The following PCDH15 variants were observed in gnomAD, a reference collection of about 807,000 sequenced individuals.
PCDH15 encodes the protein protocadherin-15.
In PCDH15, 129 loss-of-function variants were observed where a neutral mutation model predicts 178.5. That is an observed-to-expected ratio of 0.72 (90% confidence interval 0.63 to 0.84). The LOEUF is 0.84. Ranked by LOEUF, PCDH15 falls within the 40% of genes least tolerant of loss-of-function variation. The pLI, the probability that PCDH15 is intolerant of heterozygous loss-of-function variation, is 0.00. For missense variants in PCDH15, 2,230 were observed against 2,099.9 expected (o/e 1.06, Z -1.21); for synonymous variants, 800 against 732.0 (o/e 1.09, Z -1.50).
chr10:55,597,599 A>AT (rs1380559612), intron 2 of PCDH15, among the ~76,000 whole-genome samples: 1 of 152,190 alleles, frequency 6.6e-6, no homozygotes, highest in Non-Finnish European at 1.5e-5. Flanking sequence ...TACTTCAAGC[A>AT]TCCCTCTCTG....
intron 9 of PCDH15, among the ~76,000 whole-genome samples, chr10:54,220,178 A>C (rs2134180707): frequency 6.6e-6 from 1 of 152,370 alleles, no homozygotes; most frequent in South Asian, 2.1e-4. Context: ...GAGCTGGGAA[A>C]GATTTTCATT....
chr10:54,367,094 G>T (rs1349664366), intron 5 of PCDH15, among the ~76,000 whole-genome samples: 1 of 152,034 alleles, frequency 6.6e-6, no homozygotes, highest in Admixed American at 6.6e-5. Context: ...TTTGAGACTT[G>T]CATGGTAGGG....
chr10:55,360,380 G>T (rs1358341116), intron 2 of PCDH15, among the ~76,000 whole-genome samples: 1 of 151,850 alleles, frequency 6.6e-6, no homozygotes, highest in Non-Finnish European at 1.5e-5. Flanking sequence ...CACACAACAT[G>T]CCAACAAGGA....
chr10:53,908,090 A>C (rs2082805226), intron 25 of PCDH15, among the ~76,000 whole-genome samples: 2 of 152,148 alleles, frequency 1.3e-5, no homozygotes, highest in African/African-American at 4.8e-5. Flanking sequence ...CAATGAGTTA[A>C]AAGTGTTCTC....
intron 2 of PCDH15, among the ~76,000 whole-genome samples, chr10:54,913,607 C>CT (rs1188284732): frequency 6.6e-6 from 1 of 152,104 alleles, no homozygotes; most frequent in Non-Finnish European, 1.5e-5. Flanking sequence ...GGCCATAGTC[C>CT]TAAAGATTCC....
chr10:53,830,018 T>C (rs1207085313), intron 30 of PCDH15, among the ~76,000 whole-genome samples: 2 of 152,120 alleles, frequency 1.3e-5, no homozygotes, highest in Non-Finnish European at 2.9e-5. Flanking sequence ...ACATAAGGAC[T>C]ATTGGCTGGG....
chr10:54,729,110 A>C (rs767615342), intron 1 of PCDH15, among the ~76,000 whole-genome samples: 67 of 151,716 alleles, frequency 4.4e-4, no homozygotes, highest in Admixed American at 2.0e-4. Context: ...CTGAATAGCC[A>C]AAGCAATCCT....
intron 1 of PCDH15, among the ~76,000 whole-genome samples, chr10:54,726,155 T>C (rs1312906755): frequency 6.6e-6 from 1 of 151,110 alleles, no homozygotes; most frequent in African/African-American, 2.4e-5. Context: ...ACATGCCTTT[T>C]ATAACCCTTT....
chr10:54,104,456 C>T (rs754103954), intron 15 of PCDH15, among the ~76,000 whole-genome samples: 1 of 152,172 alleles, frequency 6.6e-6, no homozygotes, highest in Non-Finnish European at 1.5e-5. Context: ...ACAATTTTAG[C>T]TCTTTCTCTA....
chr10:54,120,014 G>C (rs1375077988), intron 15 of PCDH15, among the ~76,000 whole-genome samples: 1 of 152,030 alleles, frequency 6.6e-6, no homozygotes, highest in African/African-American at 2.4e-5. Context: ...AAGGCAGATA[G>C]AGAAAAAGGA....
chr10:54,154,360 G>GT (rs1355514751), intron 13 of PCDH15, among the ~76,000 whole-genome samples: 2 of 152,048 alleles, frequency 1.3e-5, no homozygotes, highest in East Asian at 3.9e-4. Context: ...GAAAACACAT[G>GT]TAATTGTAGT....
chr10:54,521,707 C>T (rs905582456), intron 3 of PCDH15, among the ~76,000 whole-genome samples: 1 of 152,224 alleles, frequency 6.6e-6, no homozygotes, highest in South Asian at 2.1e-4. Flanking sequence ...TAATCCTCTA[C>T]TTTGTGTTAA....
intron 2 of PCDH15, among the ~76,000 whole-genome samples, chr10:55,380,454 T>G (rs922808718): frequency 1.3e-5 from 2 of 152,160 alleles, no homozygotes; most frequent in Non-Finnish European, 2.9e-5. Context: ...CTGTCACTTT[T>G]TCAAGGATGT....
chr10:54,128,503 G>A lies in PCDH15; in HGVS notation c.1917+4372C>T, dbSNP rs148109427. Among the ~76,000 whole-genome samples the A allele has an allele frequency of 6.7e-3, 1,024 of 152,244 alleles. 7 individuals are homozygous for A. The highest frequency in any genetic ancestry group is 0.023 in the African/African-American group (949 of 41,552). On this transcript the variant is annotated intron_variant, in intron 15 of 37. Transcript: ENST00000644397. Reference sequence around the variant, plus strand: ...AAATCTAAGCAGCTATTTGATTAGAGTATTGAATGGTGATCTTCCCTGTTT... The same window carrying A: ...AAATCTAAGCAGCTATTTGATTAGAATATTGAATGGTGATCTTCCCTGTTT...
rs757898459 is a variant in PCDH15, at chr10:53,828,573, C to G, written c.4203G>C (p.Gln1401His). The G allele has an allele frequency of 6.4e-7, 1 of 1,553,626 alleles. No homozygotes were observed. The highest frequency in any genetic ancestry group is 8.9e-7 in the Non-Finnish European group (1 of 1,125,862). Residue 1401 changes from glutamine (Q) to histidine (H), a missense_variant and splice_region_variant, in exon 31 of 38, where the codon CAG becomes CAC. Coordinates refer to ENST00000644397, the MANE Select transcript of PCDH15 (RefSeq NM_001384140.1). ...AILVVLVSYRQFKVRQAECTK... is the reference protein window; with the variant it reads ...AILVVLVSYRHFKVRQAECTK... ...ATGTTAATTATACTTACACTTTAAACCTGTTTGGGAAAGCAAGAGTAAGAA... is the reference window on the plus strand; with the variant it reads ...ATGTTAATTATACTTACACTTTAAAGCTGTTTGGGAAAGCAAGAGTAAGAA...
chr10:54,803,287 C>A (rs1397505462), upstream of PCDH15, among the ~76,000 whole-genome samples: 1 of 152,146 alleles, frequency 6.6e-6, no homozygotes, highest in African/African-American at 2.4e-5. Context: ...TGTTTCATTG[C>A]ATGTATATGT....
chr10:54,030,273 T>A (rs1422949136), intron 18 of PCDH15, among the ~76,000 whole-genome samples: 2 of 151,958 alleles, frequency 1.3e-5, no homozygotes, highest in Admixed American at 6.6e-5. Context: ...AAGCTGTTGA[T>A]CAGGGAGGTT....
chr10:54,566,796 G>T (rs2089111272), intron 2 of PCDH15, among the ~76,000 whole-genome samples: 1 of 152,194 alleles, frequency 6.6e-6, no homozygotes, highest in African/African-American at 2.4e-5. Flanking sequence ...GAATAAAGAT[G>T]CTGTAAACAT....
At chr10:53,823,876 A>C (rs939253828) in intron 32 of PCDH15, 3 of 442,060 alleles carry the variant, frequency 6.8e-6, no homozygotes, top group Non-Finnish European at 1.4e-5. Flanking sequence ...AGAGAATTAA[A>C]ATCACCAAGG....
Sources: allele counts gnomAD v4.1 joint callset (sites outside exome capture counted in the v4.1 genomes callset), GRCh38; gene constraint gnomAD v4.1.1; transcripts MANE v1.5; gene names NCBI Gene and HGNC (gene_info 2026-07-23, HGNC 2026-07-21).